The following RAD54L2 variants were observed in gnomAD, a reference collection of about 807,000 sequenced individuals.
RAD54L2 encodes RAD54 like 2.
In RAD54L2, 27 loss-of-function variants were observed where a neutral mutation model predicts 138.4. The ratio of observed to expected loss-of-function variants is 0.20; its 90% CI spans 0.14 to 0.27. RAD54L2 has a LOEUF of 0.27. RAD54L2 is among the 10% of genes least tolerant of loss of function. The pLI is 1.00. For missense variants in RAD54L2, 1,396 were observed against 1,890.2 expected (o/e 0.74, Z 4.85); for synonymous variants, 644 against 723.2 (o/e 0.89, Z 1.76).
Position 51,663,922 on chromosome 3 carries a change from A to G in RAD54L2, c.*502A>G, listed in dbSNP as rs1474499887. On this transcript the variant is annotated 3_prime_UTR_variant, in exon 23 of 23. Coordinates refer to ENST00000684192, the MANE Select transcript of RAD54L2 (RefSeq NM_015106.4). The stretch of plus-strand genomic sequence containing the variant: ...AGTGGGGTCTTTTTAGGGGGTGGGA[A>G]GGAAGCTGACCAGGTATGTGTGTTT... 6.2e-6 allele frequency: 1 copy of G among 160,578 alleles called. No homozygotes were observed. The highest frequency in any genetic ancestry group is 1.3e-5 in the Non-Finnish European group (1 of 74,246). 9.9% of individuals were successfully genotyped at this position (160,578 alleles called of 1,614,324 possible). A position where few individuals can be genotyped will look rare whatever the true frequency, so the allele number is the denominator to read the frequency against.
chr3:51,655,112 A>G (rs1342503983), intron 19 of RAD54L2, among the ~76,000 whole-genome samples: 1 of 152,204 alleles, frequency 6.6e-6, no homozygotes, highest in African/African-American at 2.4e-5. Flanking sequence ...TGATTGAGGC[A>G]TCATGCAGAC....
At chr3:51,556,229 A>G (rs1224553034) in intron 2 of RAD54L2, among the ~76,000 whole-genome samples, 2 of 151,414 alleles carry the variant, frequency 1.3e-5, no homozygotes, top group Non-Finnish European at 2.9e-5. Context: ...ATTTTTTATC[A>G]TCCTCTCATT....
chr3:51,644,909 T>C, intron 16 of RAD54L2, 115 bp from the exon 17 acceptor site: 3 of 1,020,112 alleles, frequency 2.9e-6, no homozygotes, highest in Non-Finnish European at 4.5e-6. Context: ...TTGAGTATGT[T>C]GTACTTAGGG....
intron 9 of RAD54L2, 84 bp from the exon 10 acceptor site, chr3:51,635,509 G>A: frequency 7.2e-7 from 1 of 1,384,690 alleles, no homozygotes; most frequent in Non-Finnish European, 9.7e-7. Flanking sequence ...TTGATTGTGA[G>A]CAATTCTTCC....
rs1701141907 is a variant in RAD54L2 at position 51,641,735 on chromosome 3, G to A, written c.2232-14G>A. The A allele has an allele frequency of 4.6e-6, 7 of 1,530,242 alleles. No individual in the cohort carries two copies. The highest frequency in any genetic ancestry group is 6.2e-6 in the Non-Finnish European group (7 of 1,122,472). The allele number at this position is 1,530,242 out of a possible 1,614,324, so 94.8% of individuals were successfully genotyped here. On this transcript the variant is annotated splice_polypyrimidine_tract_variant and intron_variant, in intron 14 of 22. Coordinates refer to ENST00000684192, the MANE Select transcript of RAD54L2 (RefSeq NM_015106.4). ...ATTCTGGGAGCCATCTGAACGAAAT[G>A]TTTTCTGTTTCAGCCAGAGTCTTTC...
intron 2 of RAD54L2, among the ~76,000 whole-genome samples, chr3:51,573,517 A>T (rs1699389953): frequency 6.6e-6 from 1 of 151,834 alleles, no homozygotes; most frequent in Non-Finnish European, 1.5e-5. Context: ...TCTCACTGCA[A>T]CCTCCACCTC....
In RAD54L2 at chr3:51,637,824, T is replaced by C. The variant is rs1457511175; in HGVS notation, c.1683-320T>C. Among the ~76,000 whole-genome samples the C allele has an allele frequency of 6.6e-6, 1 of 152,208 alleles. No homozygotes were observed. Among genetic ancestry groups the C allele is most frequent in the Non-Finnish European group, 1.5e-5 (1 of 68,034 alleles). On this transcript the variant is annotated intron_variant, in intron 11 of 22. Transcript: ENST00000684192. This position sits in a 1 kb window ranked among gnomAD's most constrained non-coding sequence, Gnocchi z 5.9. ...GGCTAGTCTAAAGCAGACCCCTCAT[T>C]TTTCCTTGTTGAGATGGCATATGGA...
chr3:51,575,335 T>C (rs1699454384), intron 2 of RAD54L2, among the ~76,000 whole-genome samples: 1 of 152,188 alleles, frequency 6.6e-6, no homozygotes, highest in Non-Finnish European at 1.5e-5. Flanking sequence ...ATGCAGGCTC[T>C]TTTTTGGTTC....
rs763011443 is a variant in RAD54L2 at position 51,656,062 on chromosome 3, T to C, written c.3118T>C (p.Leu1040=). The change falls in exon 20 of 23, where the codon TTG becomes CTG. Residue 1040 remains leucine (L), a synonymous_variant. Transcript: ENST00000684192. ...PIPMMPRHVP[L]GGSVSSASST... is the part of the protein sequence containing the mutation. ...CCCCATGATGCCCCGGCATGTCCCATTGGGAGGAAGTGTAAGCTCTGCCTC... is the reference window on the plus strand; with the variant it reads ...CCCCATGATGCCCCGGCATGTCCCACTGGGAGGAAGTGTAAGCTCTGCCTC... 3.5e-5 allele frequency: 57 copies of C among 1,613,892 alleles called. No homozygotes were observed. Among genetic ancestry groups the C allele is most frequent in the Admixed American group, 2.0e-4 (12 of 60,014 alleles).
chr3:51,571,288 A>C (rs1402171419), intron 2 of RAD54L2, among the ~76,000 whole-genome samples: 1 of 151,082 alleles, frequency 6.6e-6, no homozygotes, highest in Non-Finnish European at 1.5e-5. Context: ...TACTGTGACA[A>C]TATTTCCTGA....
chr3:51,546,756 C>T (rs573896983), intron 2 of RAD54L2, among the ~76,000 whole-genome samples: 5 of 151,964 alleles, frequency 3.3e-5, no homozygotes, highest in Admixed American at 2.6e-4. Context: ...AGGCCAGGCG[C>T]GGTGGCTCAC....
chr3:51,547,493 A>G (rs11720298), intron 2 of RAD54L2, among the ~76,000 whole-genome samples: 44,138 of 152,042 alleles, frequency 0.29, 6,956 homozygotes, highest in Non-Finnish European at 0.35. Context: ...AGTACCATCA[A>G]TAGTAGGCGG....
intron 3 of RAD54L2, among the ~76,000 whole-genome samples, chr3:51,592,635 C>T (rs1487740330): frequency 1.3e-5 from 2 of 151,166 alleles, no homozygotes; most frequent in Non-Finnish European, 2.9e-5. Context: ...AGTGCAATGG[C>T]GCGATCTCGG....
intron 2 of RAD54L2, among the ~76,000 whole-genome samples, chr3:51,559,510 T>TTA (rs1362807794): frequency 1.3e-5 from 2 of 152,194 alleles, no homozygotes; most frequent in Non-Finnish European, 2.9e-5. Context: ...TTCCACTTGA[T>TTA]TATGGATGGG....
chr3:51,627,173 C>T (rs940724874), intron 3 of RAD54L2, among the ~76,000 whole-genome samples: 15 of 152,062 alleles, frequency 9.9e-5, no homozygotes, highest in African/African-American at 3.6e-4. Context: ...AGAGTCATAC[C>T]ACTGGGTATG....
intron 2 of RAD54L2, among the ~76,000 whole-genome samples, chr3:51,545,810 G>A (rs1424400180): frequency 6.6e-6 from 1 of 151,706 alleles, no homozygotes; most frequent in Non-Finnish European, 1.5e-5. Context: ...CAAACTCTTG[G>A]GCTCAAGTGA....
At chr3:51,616,391 T>A (rs1700442241) in intron 3 of RAD54L2, among the ~76,000 whole-genome samples, 1 of 152,230 alleles carries the variant, frequency 6.6e-6, no homozygotes, top group African/African-American at 2.4e-5. Context: ...TGTATTTCCT[T>A]CTAAGCATAA....
intron 2 of RAD54L2, among the ~76,000 whole-genome samples, chr3:51,547,434 C>A (rs1163153124): frequency 5.3e-5 from 8 of 151,688 alleles, no homozygotes; most frequent in Non-Finnish European, 1.0e-4. Context: ...CAGAAAATTT[C>A]AGCCAGTGGA....
At chr3:51,582,808 G>A (rs937425022) in intron 2 of RAD54L2, among the ~76,000 whole-genome samples, 9 of 149,726 alleles carry the variant, frequency 6.0e-5, no homozygotes, top group African/African-American at 2.2e-4. Context: ...GCCCAGGCCG[G>A]ACTGCGGACT....
Sources: allele counts gnomAD v4.1 joint callset (sites outside exome capture counted in the v4.1 genomes callset), GRCh38; gene constraint gnomAD v4.1.1; non-coding constraint Gnocchi (gnomAD v3.1); transcripts MANE v1.5; gene names NCBI Gene and HGNC (gene_info 2026-07-23, HGNC 2026-07-21).